Variants in NALCN observed in about 807,000 individuals in gnomAD.
The protein encoded by NALCN is sodium leak channel, non-selective.
Under a neutral mutation model 225.3 loss-of-function variants are expected in NALCN, and 111 were observed. The observed-to-expected ratio is 0.49, with a 90% confidence interval of 0.42 to 0.58. The LOEUF (loss-of-function observed/expected upper bound fraction) is 0.58. NALCN is among the 20% of genes least tolerant of loss of function. The probability of loss-of-function intolerance (pLI) is 0.00; values close to 1 mark genes in which losing one functional copy is unlikely to be tolerated. For missense variants in NALCN, 1,378 were observed against 2,202.4 expected (o/e 0.63, Z 7.49); for synonymous variants, 764 against 769.0 (o/e 0.99, Z 0.11).
At chr13:101,120,514 C>T (rs1396113765) in intron 18 of NALCN, among the ~76,000 whole-genome samples, 1 of 126,480 alleles carries the variant, frequency 7.9e-6, no homozygotes, top group Admixed American at 7.3e-5. Flanking sequence ...GGATCAATGC[C>T]AAACTTAAAA....
At position 101,345,246 on chromosome 13, in the gene NALCN, A is replaced by G. The variant is rs1373021306; in HGVS notation, c.799+20T>C. On this transcript the variant is annotated intron_variant, in intron 7 of 43. Coordinates refer to ENST00000251127, the MANE Select transcript of NALCN (RefSeq NM_052867.4). ...ATCACAAAATAGAAACTTAAAACGT[A>G]TTTTACCAGTAAGACAGACCTATCT... 3 of 1,604,224 alleles carry G rather than the reference A, an allele frequency of 1.9e-6. No individual in the cohort carries two copies. The highest frequency in any genetic ancestry group is 4.5e-5 in the East Asian group (2 of 44,708).
chr13:101,343,779 C>A (rs1463776675), intron 7 of NALCN, among the ~76,000 whole-genome samples: 1 of 152,122 alleles, frequency 6.6e-6, no homozygotes, highest in Non-Finnish European at 1.5e-5. Flanking sequence ...GAGATTCTAC[C>A]CTATATTAAG....
chr13:101,344,332 C>T (rs80012360), intron 7 of NALCN, among the ~76,000 whole-genome samples: 3,071 of 152,068 alleles, frequency 0.02, 110 homozygotes, highest in African/African-American at 0.07. Flanking sequence ...TGGAAGAATG[C>T]CATCTAACTA....
chr13:101,265,277 C>A (rs1312314883), intron 10 of NALCN, among the ~76,000 whole-genome samples: 1 of 152,106 alleles, frequency 6.6e-6, no homozygotes, highest in Non-Finnish European at 1.5e-5. Flanking sequence ...GGTACCTGAC[C>A]ATAGGGTTCC....
At chr13:101,091,223 G>A (rs959071960) in intron 28 of NALCN, among the ~76,000 whole-genome samples, 27 of 152,134 alleles carry the variant, frequency 1.8e-4, no homozygotes, top group African/African-American at 3.9e-4. Flanking sequence ...ACTGAGCTCC[G>A]GACCACTGAC....
chr13:101,372,602 G>A (rs915858712), intron 6 of NALCN, among the ~76,000 whole-genome samples: 1 of 151,940 alleles, frequency 6.6e-6, no homozygotes, highest in Admixed American at 6.6e-5. Context: ...GGTCAAAGGA[G>A]AAATCACATA....
chr13:101,294,927 A>T (rs574224449), intron 7 of NALCN, among the ~76,000 whole-genome samples: 1 of 152,290 alleles, frequency 6.6e-6, no homozygotes, highest in Non-Finnish European at 1.5e-5. Flanking sequence ...GTTACAAACA[A>T]TCCATAGAAA....
At position 101,090,445 on chromosome 13, in the gene NALCN, G is replaced by A. The variant is rs544214627; in HGVS notation, c.3270-479C>T. Among the ~76,000 whole-genome samples the A allele has an allele frequency of 2.7e-3, 406 of 152,346 alleles. 2 individuals carry two copies. The highest frequency in any genetic ancestry group is 9.3e-3 in the African/African-American group (386 of 41,588). On this transcript the variant is annotated intron_variant, in intron 28 of 43. Transcript: ENST00000251127. ...ACAATTGCCTGTGTTAGTATAGAAA[G>A]TGTAGAGTAGAATTTAGTCACTTTA...
In NALCN at chr13:101,300,667, T is replaced by G. The variant is rs181361279; in HGVS notation, c.800-8301A>C. On this transcript the variant is annotated intron_variant, in intron 7 of 43. Transcript: ENST00000251127. Reference sequence around the variant, plus strand: ...CCTGATAGACTGTGCTGTAACATTGTGCCTGTAATAATAATCTTCAACACA... The same window carrying G: ...CCTGATAGACTGTGCTGTAACATTGGGCCTGTAATAATAATCTTCAACACA... Among the ~76,000 whole-genome samples the G allele has an allele frequency of 3.4e-4, 52 of 152,316 alleles. 2 individuals are homozygous for G. In the East Asian group the frequency reaches 8.9e-3, roughly 26 times the overall value.
chr13:101,399,208 C>G lies in NALCN; in HGVS notation c.-39-43G>C, dbSNP rs576419495. ...TGTATTTGTCATCTAAACCATCTTG[C>G]CCTCATCAAAAAATTGAGTTCCCCA... On this transcript the variant is annotated intron_variant, in intron 1 of 43. Coordinates refer to ENST00000251127, the MANE Select transcript of NALCN (RefSeq NM_052867.4). 10 of 1,510,402 alleles carry G rather than the reference C, an allele frequency of 6.6e-6. No homozygotes were observed. The Admixed American group carries it at 1.5e-4, about 23-fold the overall frequency. The allele number at this position is 1,510,402 out of a possible 1,614,324, so 93.6% of individuals were successfully genotyped here. A position where few individuals can be genotyped will look rare whatever the true frequency, so the allele number is the denominator to read the frequency against.
At chr13:101,415,224 T>TATATATATATATAC (rs1566669133) in intron 1 of NALCN, among the ~76,000 whole-genome samples, 6 of 76,756 alleles carry the variant, frequency 7.8e-5, no homozygotes, top group African/African-American at 4.1e-4. Flanking sequence ...TATATATATA[T>TATATATATATATAC]ACATACATAT....
At chr13:101,121,954 CT>C (rs34912854) in intron 18 of NALCN, among the ~76,000 whole-genome samples, 52,149 of 146,614 alleles carry the variant, frequency 0.36, 9,366 homozygotes, top group African/African-American at 0.44. Context: ...AAATGTTTTC[CT>C]TTTTTTTTTT....
At chr13:101,402,953 A>G (rs919666935) in intron 1 of NALCN, among the ~76,000 whole-genome samples, 6 of 152,118 alleles carry the variant, frequency 3.9e-5, no homozygotes, top group Admixed American at 6.5e-5. Flanking sequence ...TTCATTCCAT[A>G]TATGTACAAC....
At chr13:101,364,728 G>C (rs2046335902) in intron 6 of NALCN, among the ~76,000 whole-genome samples, 1 of 152,160 alleles carries the variant, frequency 6.6e-6, no homozygotes, top group Admixed American at 6.6e-5. Flanking sequence ...ATAGCTAGTA[G>C]AGAATAATTC....
Position 101,107,627 on chromosome 13 carries a change from T to C in NALCN, c.2457-18A>G. On this transcript the variant is annotated intron_variant, in intron 21 of 43. Transcript: ENST00000251127. The stretch of plus-strand genomic sequence containing the variant: ...GCACTTTCCTTGAAGGAGAAATTCA[T>C]GGGAGAATGAGGCTAAGGGAAATTT... 1.9e-6 allele frequency: 3 copies of C among 1,614,110 alleles called. No homozygotes were observed. Among genetic ancestry groups the C allele is most frequent in the Non-Finnish European group, 2.5e-6 (3 of 1,179,960 alleles).
At chr13:101,283,136 C>A (rs1318304058) in intron 10 of NALCN, among the ~76,000 whole-genome samples, 4 of 152,034 alleles carry the variant, frequency 2.6e-5, no homozygotes, top group Non-Finnish European at 4.4e-5. Context: ...TCCGGTCCTA[C>A]GAGTGGGCTG....
At chr13:101,218,576 G>A (rs2040825244) in intron 13 of NALCN, among the ~76,000 whole-genome samples, 2 of 152,046 alleles carry the variant, frequency 1.3e-5, no homozygotes, top group South Asian at 4.2e-4. Context: ...AATATTGGAG[G>A]TGGGGCCTGA....
Position 101,107,840 on chromosome 13 carries a change from A to G in NALCN, c.2365-51T>C, listed in dbSNP as rs184797006. On this transcript the variant is annotated intron_variant, in intron 20 of 43. Transcript: ENST00000251127. The stretch of plus-strand genomic sequence containing the variant: ...GTTAAAACAGGAGGGTTTTGAATGC[A>G]AAATATATTATCAGTTAAAAAACTT... 420 of 1,475,018 alleles carry G rather than the reference A, an allele frequency of 2.8e-4. No individual in the cohort carries two copies. In the African/African-American group the frequency reaches 4.6e-3, roughly 16 times the overall value. The allele number at this position is 1,475,018 out of a possible 1,614,324, so 91.4% of individuals were successfully genotyped here.
intron 17 of NALCN, among the ~76,000 whole-genome samples, chr13:101,134,505 T>C (rs1273739677): frequency 6.6e-6 from 1 of 152,276 alleles, no homozygotes; most frequent in Non-Finnish European, 1.5e-5. Flanking sequence ...GCTTGAAATA[T>C]ATTTGAAAAT....
Sources: gnomAD v4.1 joint callset for allele counts (sites outside exome capture counted in the v4.1 genomes callset) on GRCh38, gnomAD v4.1.1 for gene constraint, MANE v1.5 for transcripts, NCBI Gene and HGNC (gene_info 2026-07-23, HGNC 2026-07-21) for gene names.